The following PIK3R3 variants were observed in gnomAD, a reference collection of about 807,000 sequenced individuals.
PIK3R3 encodes the protein phosphatidylinositol 3-kinase regulatory subunit gamma.
In PIK3R3, 64 loss-of-function variants were observed where a neutral mutation model predicts 62.9. The observed-to-expected ratio is 1.02, with a 90% CI of 0.83 to 1.25. The LOEUF is 1.25. PIK3R3 is among the 50% of genes most tolerant of loss of function. The probability of loss-of-function intolerance (pLI) is 0.00; values close to 1 mark genes in which losing one functional copy is unlikely to be tolerated. For missense variants in PIK3R3, 614 were observed against 561.6 expected, an observed-to-expected ratio of 1.09 and a Z score of -0.94; for synonymous variants, 165 against 189.0, an observed-to-expected ratio of 0.87 and a Z score of 1.04.
chr1:46,054,194 G>A (rs1647649019), intron 7 of PIK3R3, among the ~76,000 whole-genome samples: 1 of 151,934 alleles, frequency 6.6e-6, no homozygotes, highest in Admixed American at 6.6e-5. Flanking sequence ...TGGAGCTTAA[G>A]ACCAGCTTGG....
At chr1:46,110,968 G>A (rs758225312) in intron 1 of PIK3R3, among the ~76,000 whole-genome samples, 6 of 151,650 alleles carry the variant, frequency 4.0e-5, no homozygotes, top group Non-Finnish European at 7.4e-5. Context: ...CTTGTCCCAA[G>A]ATTTTACCCA....
intron 1 of PIK3R3, among the ~76,000 whole-genome samples, chr1:46,116,667 A>C (rs1177776462): frequency 2.0e-5 from 3 of 151,942 alleles, no homozygotes; most frequent in African/African-American, 4.8e-5. Flanking sequence ...ATCCAAAAAA[A>C]AAAAAAATTT....
chr1:46,173,851 G>A, the PIK3R3 span, among the ~76,000 whole-genome samples: 2 of 152,182 alleles, frequency 1.3e-5, no homozygotes, highest in African/African-American at 2.4e-5. Flanking sequence ...AGACACAAGT[G>A]TGGGCATGAG....
chr1:46,167,811 C>A, the PIK3R3 span, among the ~76,000 whole-genome samples: 4 of 152,224 alleles, frequency 2.6e-5, no homozygotes, highest in Admixed American at 6.5e-5. Flanking sequence ...CAAGAAAGTT[C>A]TTTCCCCTTT....
chr1:46,159,403 T>C, the PIK3R3 span, among the ~76,000 whole-genome samples: 3 of 152,160 alleles, frequency 2.0e-5, no homozygotes, highest in Admixed American at 1.3e-4. Context: ...CAAATACCTT[T>C]CATCATAGGA....
chr1:46,122,765 C>G (rs1399536330), intron 1 of PIK3R3, among the ~76,000 whole-genome samples: 1 of 151,810 alleles, frequency 6.6e-6, no homozygotes, highest in Non-Finnish European at 1.5e-5. Context: ...TTTCATTATT[C>G]CCTTTGTTAC....
At chr1:46,061,784 T>A (rs1648511006) in intron 6 of PIK3R3, 145 bp downstream of exon 6, 1 of 745,122 alleles carries the variant, frequency 1.3e-6, no homozygotes, top group Non-Finnish European at 2.3e-6. Context: ...GGAAGTTCAA[T>A]TTGGTGCCAT....
the PIK3R3 span, among the ~76,000 whole-genome samples, chr1:46,160,375 A>T: frequency 1.3e-5 from 2 of 152,264 alleles, no homozygotes; most frequent in African/African-American, 4.8e-5. Flanking sequence ...CGATTCTGTA[A>T]CAAATTAGGC....
chr1:46,067,310 C>A (rs1649105775), intron 3 of PIK3R3, among the ~76,000 whole-genome samples: 1 of 137,232 alleles, frequency 7.3e-6, no homozygotes. Context: ...CCATAAAATA[C>A]TTTGGTTATT....
At chr1:46,110,451 T>A (rs1186925129) in intron 1 of PIK3R3, among the ~76,000 whole-genome samples, 2 of 152,038 alleles carry the variant, frequency 1.3e-5, no homozygotes, top group South Asian at 4.1e-4. Flanking sequence ...CAGCTACTTT[T>A]TTTTTAAGAC....
chr1:46,063,231 G>T (rs1422921478), intron 5 of PIK3R3, among the ~76,000 whole-genome samples: 1 of 152,174 alleles, frequency 6.6e-6, no homozygotes, highest in African/African-American at 2.4e-5. Flanking sequence ...ATACAGCACT[G>T]CACAAAGGAG....
upstream of PIK3R3, chr1:46,132,921 C>G: frequency 8.6e-7 from 1 of 1,169,564 alleles, no homozygotes. Context: ...CAGAATGGTA[C>G]GATCCGGGCG....
chr1:46,145,911 A>G, the PIK3R3 span, among the ~76,000 whole-genome samples: 71 of 152,280 alleles, frequency 4.7e-4, no homozygotes, highest in Middle Eastern at 3.4e-3. Context: ...GACTCAGGAT[A>G]CTAAGCATAG....
At chr1:46,053,131 CAGCCCT>C (rs1216831121) in intron 7 of PIK3R3, among the ~76,000 whole-genome samples, 1 of 152,184 alleles carries the variant, frequency 6.6e-6, no homozygotes, top group African/African-American at 2.4e-5. Context: ...CTCCTGGAAG[CAGCCCT>C]TCCAAAAGAG....
chr1:46,080,604 TA>T lies in PIK3R3; in HGVS notation c.215+37del, dbSNP rs368361890. On this transcript the variant is annotated intron_variant, in intron 2 of 9. Transcript: ENST00000262741. ...CTACTAATTCTCAAAAATGACTTTTTAAAAAACTGCATTCAATTACAGTAGC... is the reference window on the plus strand; with the variant it reads ...CTACTAATTCTCAAAAATGACTTTTTAAAAACTGCATTCAATTACAGTAGC... 10,637 of 1,384,784 alleles carry T rather than the reference TA, an allele frequency of 7.7e-3. 51 individuals carry two copies. The highest frequency in any genetic ancestry group is 9.9e-3 in the Non-Finnish European group (9,639 of 976,932). 85.8% of individuals were successfully genotyped at this position (1,384,784 alleles called of 1,614,324 possible).
At chr1:46,077,375 C>T in intron 3 of PIK3R3, 140 bp downstream of exon 3, 1 of 447,430 alleles carries the variant, frequency 2.2e-6, no homozygotes, top group South Asian at 4.3e-5. Context: ...AAAGAATTAG[C>T]CAGACTGGAA....
intron 1 of PIK3R3, chr1:46,105,285 C>T (rs1287159487): frequency 7.6e-6 from 2 of 263,822 alleles, no homozygotes; most frequent in African/African-American, 2.2e-5. Flanking sequence ...GGGCAGATCA[C>T]GAGGTCAAGT....
In PIK3R3 at chr1:46,043,473, C is replaced by T. The variant is rs145627001; in HGVS notation, c.*200G>A. Reference sequence around the variant, plus strand: ...CTTCCAGCTTAGTATGTCAGTGCAGCGGCATGGCTGAGTCCTAGAGAACCT... The same window carrying T: ...CTTCCAGCTTAGTATGTCAGTGCAGTGGCATGGCTGAGTCCTAGAGAACCT... On this transcript the variant is annotated 3_prime_UTR_variant, in exon 10 of 10. Coordinates refer to ENST00000262741, the MANE Select transcript of PIK3R3 (RefSeq NM_003629.4). The T allele has an allele frequency of 3.8e-5, 22 of 578,376 alleles. No homozygotes were observed. In the East Asian group the frequency reaches 4.1e-4, roughly 11 times the overall value. 35.8% of individuals were successfully genotyped at this position (578,376 alleles called of 1,614,324 possible).
In PIK3R3 at chr1:46,107,031, G is replaced by A. The variant is rs189056603; in HGVS notation, c.106+24816C>T. Among the ~76,000 whole-genome samples, 233 of 152,236 alleles carry A rather than the reference G, an allele frequency of 1.5e-3. 4 individuals carry two copies. The highest frequency in any genetic ancestry group is 5.5e-3 in the African/African-American group (229 of 41,548). Reference sequence around the variant, plus strand: ...CCGCCTCAGCCTCCCAAAGTGCTGGGATTACAGGCGTGAGCCACCGTGCCC... The same window carrying A: ...CCGCCTCAGCCTCCCAAAGTGCTGGAATTACAGGCGTGAGCCACCGTGCCC... On this transcript the variant is annotated intron_variant, in intron 1 of 9. Coordinates refer to ENST00000262741, the MANE Select transcript of PIK3R3 (RefSeq NM_003629.4).
Sources: gnomAD v4.1 joint callset for allele counts (sites outside exome capture counted in the v4.1 genomes callset) on GRCh38, gnomAD v4.1.1 for gene constraint, MANE v1.5 for transcripts, NCBI Gene and HGNC (gene_info 2026-07-23, HGNC 2026-07-21) for gene names.